Variants in PTPRG observed in about 807,000 individuals in gnomAD.
PTPRG encodes receptor-type tyrosine-protein phosphatase gamma.
A neutral mutation model predicts 165.3 loss-of-function variants in PTPRG; 102 were observed. The ratio of observed to expected loss-of-function variants is 0.62; its 90% CI spans 0.53 to 0.73. The LOEUF (loss-of-function observed/expected upper bound fraction) is 0.73, where lower values mean the gene tolerates loss of function less well. PTPRG is among the 30% of genes least tolerant of loss of function. The pLI, the probability that PTPRG is intolerant of heterozygous loss-of-function variation, is 0.00. For synonymous variants in PTPRG, 675 were observed against 669.5 expected, an observed-to-expected ratio of 1.01 and a Z score of -0.13; for missense variants, 1,866 against 1,861.4, an observed-to-expected ratio of 1.00 and a Z score of -0.05.
intron 4 of PTPRG, among the ~76,000 whole-genome samples, chr3:62,020,674 G>C (rs2041668048): frequency 6.6e-6 from 1 of 152,056 alleles, no homozygotes; most frequent in Non-Finnish European, 1.5e-5. Flanking sequence ...CCAGCAGCAA[G>C]TACTTAGCAG....
At position 62,191,642 on chromosome 3, in the gene PTPRG, G is replaced by A. The variant is rs1208950374; in HGVS notation, c.1207G>A (p.Asp403Asn). The change falls in exon 9 of 30, where the codon GAC (aspartate) becomes AAC (asparagine). Residue 403 changes from aspartate to asparagine, a missense_variant. This residue lies in a region of PTPRG where 1,452 missense variants were observed against 1,463.0 expected (regional missense o/e 0.99). Coordinates refer to ENST00000474889, the MANE Select transcript of PTPRG (RefSeq NM_002841.4). ...EKEKTFTKDS[D>N]KDLKATISHV... ...GGAGAAGACGTTTACAAAGGACAGCGACAAAGACTTGGTATGAAGCCCCTC... is the reference window on the plus strand; with the variant it reads ...GGAGAAGACGTTTACAAAGGACAGCAACAAAGACTTGGTATGAAGCCCCTC... 13 of 1,613,914 alleles carry A rather than the reference G, an allele frequency of 8.1e-6. No individual in the cohort carries two copies. The highest frequency in any genetic ancestry group is 3.3e-5 in the South Asian group (3 of 91,050).
At chr3:61,982,122 A>G (rs1192726214) in intron 2 of PTPRG, among the ~76,000 whole-genome samples, 1 of 152,158 alleles carries the variant, frequency 6.6e-6, no homozygotes, top group African/African-American at 2.4e-5. Flanking sequence ...CTAAAAGAAC[A>G]TATTAGTCAA....
intron 14 of PTPRG, among the ~76,000 whole-genome samples, chr3:62,238,672 T>C (rs937327199): frequency 6.6e-6 from 1 of 152,044 alleles, no homozygotes; most frequent in African/African-American, 2.4e-5. Flanking sequence ...AGAATCATCA[T>C]GAATGGGGCT....
chr3:61,937,774 C>T (rs992385216), intron 2 of PTPRG, among the ~76,000 whole-genome samples: 2 of 152,202 alleles, frequency 1.3e-5, no homozygotes, highest in East Asian at 1.9e-4. Flanking sequence ...TGCTGTGCCA[C>T]TTCCACCTCC....
intron 2 of PTPRG, among the ~76,000 whole-genome samples, chr3:61,865,258 A>C (rs2037372676): frequency 6.6e-6 from 1 of 152,062 alleles, no homozygotes; most frequent in Non-Finnish European, 1.5e-5. Flanking sequence ...CCCATGCCAA[A>C]CCCCCACAAC....
intron 4 of PTPRG, 21 bp from the exon 5 acceptor site, chr3:62,078,142 T>A (rs539588276): frequency 7.5e-5 from 114 of 1,509,988 alleles, no homozygotes; most frequent in Non-Finnish European, 9.9e-5. Flanking sequence ...TCCTAATACA[T>A]TTTTTTAATT....
rs550439188 is a variant in PTPRG at position 61,807,983 on chromosome 3, G to A, written c.190+59001G>A. On this transcript the variant is annotated intron_variant, in intron 2 of 29. Coordinates refer to ENST00000474889, the MANE Select transcript of PTPRG (RefSeq NM_002841.4). ...CAGTACTTGTGGTGCTTCTGTTAAC[G>A]CCTGTTTATCAGATTATTGAAGGGC... Among the ~76,000 whole-genome samples the A allele has an allele frequency of 9.0e-4, 137 of 152,254 alleles. 1 individual carries two copies. Among genetic ancestry groups the A allele is most frequent in the Non-Finnish European group, 1.5e-3 (103 of 68,016 alleles).
intron 2 of PTPRG, among the ~76,000 whole-genome samples, chr3:61,758,893 A>G (rs762322168): frequency 3.3e-5 from 5 of 152,180 alleles, no homozygotes; most frequent in African/African-American, 9.7e-5. Flanking sequence ...ATAAGTGTCT[A>G]ATATATGCTT....
At chr3:62,131,943 G>C (rs767094953) in intron 5 of PTPRG, among the ~76,000 whole-genome samples, 2 of 152,116 alleles carry the variant, frequency 1.3e-5, no homozygotes, top group Non-Finnish European at 2.9e-5. Flanking sequence ...TTCTAGAATG[G>C]GCAAGAATGA....
At chr3:61,759,394 C>A (rs927829416) in intron 2 of PTPRG, among the ~76,000 whole-genome samples, 1 of 152,150 alleles carries the variant, frequency 6.6e-6, no homozygotes, top group Admixed American at 6.5e-5. Context: ...GTGGCTCACA[C>A]CTGTAATCTC....
chr3:61,797,807 G>C (rs746735718), intron 2 of PTPRG, among the ~76,000 whole-genome samples: 1 of 151,928 alleles, frequency 6.6e-6, no homozygotes, highest in South Asian at 2.1e-4. Flanking sequence ...AGTGCCCTCA[G>C]TTTCCCCTCC....
chr3:61,815,426 AAAAG>A (rs2035729250), intron 2 of PTPRG, among the ~76,000 whole-genome samples: 1 of 152,084 alleles, frequency 6.6e-6, no homozygotes, highest in African/African-American at 2.4e-5. Context: ...AAATAAAAAT[AAAAG>A]AAATCTTATT....
intron 10 of PTPRG, among the ~76,000 whole-genome samples, chr3:62,196,525 G>A (rs980982746): frequency 2.0e-5 from 3 of 152,060 alleles, no homozygotes; most frequent in Admixed American, 6.5e-5. Context: ...TCTTACTTGC[G>A]CCAACCTAAT....
At chr3:62,191,835 T>A (rs774915165) in intron 9 of PTPRG, among the ~76,000 whole-genome samples, 182 bp downstream of exon 9, 2 of 152,304 alleles carry the variant, frequency 1.3e-5, no homozygotes, top group South Asian at 4.1e-4. Flanking sequence ...GGATGGAGCC[T>A]GCCTGGGCGC....
At chr3:61,665,948 A>G (rs1702801575) in intron 1 of PTPRG, among the ~76,000 whole-genome samples, 1 of 152,064 alleles carries the variant, frequency 6.6e-6, no homozygotes, top group Admixed American at 6.6e-5. Context: ...TTATATTGGA[A>G]AGGATTAGAA....
intron 1 of PTPRG, among the ~76,000 whole-genome samples, chr3:61,658,659 G>C (rs1002993862): frequency 6.6e-6 from 1 of 152,020 alleles, no homozygotes; most frequent in African/African-American, 2.4e-5. Flanking sequence ...TTCCCAGCTA[G>C]GATACAAGTT....
chr3:61,655,321 C>T (rs561724956), intron 1 of PTPRG, among the ~76,000 whole-genome samples: 4 of 152,246 alleles, frequency 2.6e-5, no homozygotes, highest in African/African-American at 4.8e-5. Flanking sequence ...TTGCAAGTTA[C>T]GTTTTTCACT....
At chr3:62,124,003 C>T (rs1351099758) in intron 5 of PTPRG, among the ~76,000 whole-genome samples, 1 of 151,910 alleles carries the variant, frequency 6.6e-6, no homozygotes, top group Admixed American at 6.6e-5. Context: ...TCATAAATAA[C>T]GAATATCACA....
In PTPRG at chr3:62,276,991, T is replaced by C. The variant is rs111929965; in HGVS notation, c.3579T>C (p.Gly1193=). The C allele has an allele frequency of 1.2e-6, 2 of 1,613,228 alleles. No homozygotes were observed. Among genetic ancestry groups the C allele is most frequent in the African/African-American group, 1.3e-5 (1 of 74,992 alleles). Residue 1193 remains glycine, a synonymous_variant, in exon 25 of 30, where the codon GGT becomes GGC. Coordinates refer to ENST00000474889, the MANE Select transcript of PTPRG (RefSeq NM_002841.4). ...TGATAGCTGAGCGTGCTCGAGTGGGTCTTGCACCATTGCCTGGAATGAAAG... is the reference window on the plus strand; with the variant it reads ...TGATAGCTGAGCGTGCTCGAGTGGGCCTTGCACCATTGCCTGGAATGAAAG... ...SVVPSERARV[G]LAPLPGMKGT... is the part of the protein sequence containing the mutation.
Sources: gnomAD v4.1 joint callset for allele counts (sites outside exome capture counted in the v4.1 genomes callset) on GRCh38, gnomAD v4.1.1 for gene constraint, gnomAD v4.1.1 regional missense constraint, MANE v1.5 for transcripts, NCBI Gene and HGNC (gene_info 2026-07-23, HGNC 2026-07-21) for gene names.